The following SHLD3 variants were observed in gnomAD, a reference collection of about 807,000 sequenced individuals.
SHLD3 encodes the protein shieldin complex subunit 3.
SHLD3 carries 15 observed loss-of-function variants against 21.4 expected under a neutral mutation model. The ratio of observed to expected loss-of-function variants is 0.70; its 90% CI spans 0.47 to 1.08. The LOEUF (loss-of-function observed/expected upper bound fraction) is 1.08, where lower values mean the gene tolerates loss of function less well. Ranked by LOEUF, SHLD3 falls within the 50% of genes least tolerant of loss-of-function variation. The pLI is 0.00. For synonymous variants in SHLD3, 103 were observed against 97.2 expected (o/e 1.06, Z -0.35); for missense variants, 273 against 286.1 (o/e 0.95, Z 0.33).
chr5:65,628,790 A>G (rs1368655288), intron 1 of SHLD3, among the ~76,000 whole-genome samples: 3 of 151,810 alleles, frequency 2.0e-5, no homozygotes, highest in African/African-American at 4.8e-5. Context: ...AATTTTAAGT[A>G]TAAAATGATT....
rs1224756191 is a variant in SHLD3 at position 65,630,143 on chromosome 5, A to C, written c.556A>C (p.Thr186Pro). ...CAGCCAAACTCTGGAAGACATTTGG[A>C]CAAAACTCAATCAAATTATTAGGCA... ...CNSQTLEDIWTKLNQIIRHNE... is the reference protein window; with the variant it reads ...CNSQTLEDIWPKLNQIIRHNE... The change falls in exon 2 of 2, where the codon ACA becomes CCA. Residue 186 changes from threonine to proline, a missense_variant. Physicochemically the swap from Thr to Pro is conservative, Grantham distance 38 (BLOSUM62 -1). Coordinates refer to ENST00000510585, the MANE Select transcript of SHLD3 (RefSeq NM_001365341.2). 10 of 1,535,948 alleles carry C rather than the reference A, an allele frequency of 6.5e-6. No homozygotes were observed. The highest frequency in any genetic ancestry group is 2.4e-5 in the East Asian group (1 of 40,902).
At chr5:65,629,208 T>A (rs896821168) in intron 1 of SHLD3, among the ~76,000 whole-genome samples, 4 of 152,166 alleles carry the variant, frequency 2.6e-5, no homozygotes, top group Non-Finnish European at 1.5e-5. Context: ...TCCAAGTCCT[T>A]TATATCTATT....
At position 65,630,294 on chromosome 5, in the gene SHLD3, AAATT is replaced by A. The variant is rs1755476793; in HGVS notation, c.712_715del (p.Asn238TyrfsTer17). ...AAAGGAAGATTAGCTCTTACTGGAAAAATTAATTTATTTGTGCATAAATATGGTG... is the reference window on the plus strand; with the variant it reads ...AAAGGAAGATTAGCTCTTACTGGAAAAATTTATTTGTGCATAAATATGGTG... On this transcript the variant is annotated frameshift_variant, in exon 2 of 2. Transcript: ENST00000510585. LOFTEE classifies it high-confidence loss of function. 3.3e-6 allele frequency: 5 copies of A among 1,531,056 alleles called. No individual in the cohort carries two copies. The highest frequency in any genetic ancestry group is 1.4e-5 in the African/African-American group (1 of 72,824). The allele number at this position is 1,531,056 out of a possible 1,614,324, so 94.8% of individuals were successfully genotyped here.
intron 1 of SHLD3, among the ~76,000 whole-genome samples, chr5:65,628,830 T>C (rs947699622): frequency 6.6e-6 from 1 of 152,024 alleles, no homozygotes; most frequent in Non-Finnish European, 1.5e-5. Context: ...TAGAATTTTT[T>C]TTTTTTTTAA....
Position 65,630,135 on chromosome 5 carries a change from A to G in SHLD3, c.548A>G (p.Asp183Gly), listed in dbSNP as rs1283290492. 6.5e-7 allele frequency: 1 copy of G among 1,536,088 alleles called. No homozygotes were observed. Among genetic ancestry groups the G allele is most frequent in the South Asian group, 1.2e-5 (1 of 84,062 alleles). The change falls in exon 2 of 2, where the codon GAC (aspartate) becomes GGC (glycine). Residue 183 changes from aspartate to glycine, a missense_variant. Asp to Gly is a moderately conservative substitution (Grantham distance 94, BLOSUM62 -1). Transcript: ENST00000510585. ...HTICNSQTLE[D>G]IWTKLNQIIR... is the part of the protein sequence containing the mutation. ...ATTTGTAACAGCCAAACTCTGGAAGACATTTGGACAAAACTCAATCAAATT... is the reference window on the plus strand; with the variant it reads ...ATTTGTAACAGCCAAACTCTGGAAGGCATTTGGACAAAACTCAATCAAATT...
chr5:65,626,311 A>G (rs1581201646), intron 1 of SHLD3: 4 of 152,216 alleles, frequency 2.6e-5, no homozygotes, highest in Admixed American at 2.0e-4. Flanking sequence ...TCTCTTTCCA[A>G]GAGTCCGTGT....
chr5:65,625,177 T>G, intron 1 of SHLD3, 71 bp downstream of exon 1: 1 of 1,293,922 alleles, frequency 7.7e-7, no homozygotes, highest in Non-Finnish European at 1.1e-6. Flanking sequence ...GCCTTTGCCA[T>G]GTAGGCCTCA....
chr5:65,628,462 T>C (rs1440768680), intron 1 of SHLD3, among the ~76,000 whole-genome samples: 1 of 142,444 alleles, frequency 7.0e-6, no homozygotes, highest in Non-Finnish European at 1.6e-5. Context: ...ATCCATATAA[T>C]TTTTTTTTTT....
chr5:65,630,005 A>G lies in SHLD3; in HGVS notation c.418A>G (p.Asn140Asp). 6.5e-7 allele frequency: 1 copy of G among 1,535,970 alleles called. No individual in the cohort carries two copies. Among genetic ancestry groups the G allele is most frequent in the Non-Finnish European group, 8.7e-7 (1 of 1,146,830 alleles). ...RSWSISLPSN[N>D]CTKNVSPLSK... The stretch of plus-strand genomic sequence containing the variant: ...TTGGAGTATTTCCCTTCCCAGCAAT[A>G]ATTGTACTAAAAACGTTTCTCCTTT... The change falls in exon 2 of 2, where the codon AAT becomes GAT. Residue 140 changes from asparagine (N) to aspartate (D), a missense_variant. Transcript: ENST00000510585.
chr5:65,629,850 T>C lies in SHLD3; in HGVS notation c.263T>C (p.Val88Ala). The C allele has an allele frequency of 3.3e-6, 5 of 1,536,088 alleles. No individual in the cohort carries two copies. The highest frequency in any genetic ancestry group is 3.5e-6 in the Non-Finnish European group (4 of 1,146,888). Residue 88 changes from valine to alanine, a missense_variant, in exon 2 of 2, where the codon GTA becomes GCA. Val to Ala is a moderately conservative substitution (Grantham distance 64, BLOSUM62 0). Coordinates refer to ENST00000510585, the MANE Select transcript of SHLD3 (RefSeq NM_001365341.2). ...DAKSHSYDCT[V>A]DLLEFQPSLK... ...AAGTCACACAGTTATGATTGCACAGTAGATCTATTGGAGTTTCAACCTAGC... is the reference window on the plus strand; with the variant it reads ...AAGTCACACAGTTATGATTGCACAGCAGATCTATTGGAGTTTCAACCTAGC...
In SHLD3 at chr5:65,630,013, T is replaced by A; in HGVS notation, c.426T>A (p.Thr142=). 6.5e-7 allele frequency: 1 copy of A among 1,535,944 alleles called. No homozygotes were observed. Among genetic ancestry groups the A allele is most frequent in the South Asian group, 1.2e-5 (1 of 84,056 alleles). Residue 142 remains threonine, a synonymous_variant, in exon 2 of 2, where the codon ACT becomes ACA. Transcript: ENST00000510585. The part of the protein sequence containing the change: ...WSISLPSNNC[T]KNVSPLSKKL... ...TTTCCCTTCCCAGCAATAATTGTACTAAAAACGTTTCTCCTTTGTCTAAAA... is the reference window on the plus strand; with the variant it reads ...TTTCCCTTCCCAGCAATAATTGTACAAAAAACGTTTCTCCTTTGTCTAAAA...
chr5:65,629,454 T>C lies in SHLD3; in HGVS notation c.-120-14T>C. 1 of 1,411,958 alleles carries C rather than the reference T, an allele frequency of 7.1e-7. No individual in the cohort carries two copies. The highest frequency in any genetic ancestry group is 9.2e-7 in the Non-Finnish European group (1 of 1,087,162). 87.5% of individuals were successfully genotyped at this position (1,411,958 alleles called of 1,614,324 possible). On this transcript the variant is annotated splice_polypyrimidine_tract_variant and intron_variant, in intron 1 of 1. Transcript: ENST00000510585. Reference sequence around the variant, plus strand: ...CCCTACCATATCTTATTCTTTGCAATACTTCTACTTTAGGTCCTGTTTCCC... The same window carrying C: ...CCCTACCATATCTTATTCTTTGCAACACTTCTACTTTAGGTCCTGTTTCCC...
chr5:65,625,136 T>C (rs1469746909), intron 1 of SHLD3, 30 bp downstream of exon 1: 28 of 1,594,470 alleles, frequency 1.8e-5, no homozygotes, highest in Non-Finnish European at 2.3e-5. Context: ...ATTCCCCCTT[T>C]TCTGTTTCCT....
At chr5:65,625,279 T>C (rs1399480632) in intron 1 of SHLD3, 173 bp downstream of exon 1, 7 of 617,736 alleles carry the variant, frequency 1.1e-5, no homozygotes, top group Middle Eastern at 2.5e-4. Context: ...TTTAGGTTTA[T>C]GGGCCCCTTT....
chr5:65,630,695 A>G lies in SHLD3; in HGVS notation c.*355A>G, dbSNP rs1218845352. On this transcript the variant is annotated 3_prime_UTR_variant, in exon 2 of 2. Coordinates refer to ENST00000510585, the MANE Select transcript of SHLD3 (RefSeq NM_001365341.2). ...GTAATTTTTTAAAAAATAAAACTCG[A>G]AACAATTCTCTTTGGAGTGCTATTT... is the stretch of plus-strand genomic sequence containing the variant. 2.0e-6 allele frequency: 2 copies of G among 992,578 alleles called. No individual in the cohort carries two copies. The highest frequency in any genetic ancestry group is 3.5e-5 in the African/African-American group (2 of 57,424). The allele number at this position is 992,578 out of a possible 1,614,324, so 61.5% of individuals were successfully genotyped here.
intron 1 of SHLD3, among the ~76,000 whole-genome samples, chr5:65,629,203 G>A (rs1040697144): frequency 8.6e-5 from 13 of 151,968 alleles, no homozygotes; most frequent in Admixed American, 2.0e-4. Flanking sequence ...ATACTTCCAA[G>A]TCCTTTATAT....
rs1446570471 is a variant in SHLD3, at chr5:65,626,068, G to A, written c.-121+962G>A. ...GAACTTTGTAATGTTTAGTGATACAGTGATGGGACCTGTAAGCTTAACCTG... is the reference window on the plus strand; with the variant it reads ...GAACTTTGTAATGTTTAGTGATACAATGATGGGACCTGTAAGCTTAACCTG... On this transcript the variant is annotated intron_variant, in intron 1 of 1. Coordinates refer to ENST00000510585, the MANE Select transcript of SHLD3 (RefSeq NM_001365341.2). The A allele has an allele frequency of 2.8e-5, 4 of 145,254 alleles. No homozygotes were observed. The Admixed American group carries it at 2.8e-4, about 10-fold the overall frequency. 9.0% of individuals were successfully genotyped at this position (145,254 alleles called of 1,614,324 possible). A position where few individuals can be genotyped will look rare whatever the true frequency, so the allele number is the denominator to read the frequency against.
chr5:65,628,530 G>A (rs1427011255), intron 1 of SHLD3, among the ~76,000 whole-genome samples: 1 of 151,368 alleles, frequency 6.6e-6, no homozygotes, highest in Non-Finnish European at 1.5e-5. Context: ...GAGTACGATG[G>A]CGCGATCTCA....
rs1755502592 is a variant in SHLD3 at position 65,630,618 on chromosome 5, T to C, written c.*278T>C. On this transcript the variant is annotated 3_prime_UTR_variant, in exon 2 of 2. Transcript: ENST00000510585. ...TGAATTAAGTTGTATAGTTTGGATT[T>C]TGGTTAATCTCTAAAATCTAATTTT... 9.4e-7 allele frequency: 1 copy of C among 1,061,504 alleles called. No individual in the cohort carries two copies. Among genetic ancestry groups the C allele is most frequent in the African/African-American group, 1.7e-5 (1 of 60,348 alleles). 65.8% of individuals were successfully genotyped at this position (1,061,504 alleles called of 1,614,324 possible).
Sources: allele counts gnomAD v4.1 joint callset (sites outside exome capture counted in the v4.1 genomes callset), GRCh38; gene constraint gnomAD v4.1.1; transcripts MANE v1.5; gene names NCBI Gene and HGNC (gene_info 2026-07-23, HGNC 2026-07-21).